The following OR2L13 variants were observed in gnomAD, a reference collection of about 807,000 sequenced individuals.
The protein encoded by OR2L13 is olfactory receptor family 2 subfamily L member 13, also known as olfactory receptor 2L13.
OR2L13 carries 14 observed loss-of-function variants against 15.3 expected under a neutral mutation model. That is an observed-to-expected ratio of 0.91 (90% CI 0.60 to 1.43). The LOEUF (loss-of-function observed/expected upper bound fraction) is 1.43. Ranked by LOEUF, OR2L13 falls within the 40% of genes most tolerant of loss-of-function variation. OR2L13 has a pLI of 0.00. For missense variants in OR2L13, 367 were observed against 387.9 expected (o/e 0.95, Z 0.45); for synonymous variants, 152 against 142.9 (o/e 1.06, Z -0.45).
At chr1:248,015,070 A>G in the OR2L13 span, among the ~76,000 whole-genome samples, 2 of 152,136 alleles carry the variant, frequency 1.3e-5, no homozygotes, top group African/African-American at 2.4e-5. Context: ...GTGGACCTCA[A>G]TGGTAGGTTG....
At chr1:248,003,088 A>T in the OR2L13 span, 4 of 962,116 alleles carry the variant, frequency 4.2e-6, no homozygotes, top group Non-Finnish European at 6.7e-6. Flanking sequence ...TTCTGTCTTA[A>T]CTTACTCGTG....
chr1:247,985,135 G>A, the OR2L13 span, among the ~76,000 whole-genome samples: 4 of 151,896 alleles, frequency 2.6e-5, no homozygotes, highest in Admixed American at 2.6e-4. Flanking sequence ...AAGTTCTAGG[G>A]TACATGTGCA....
chr1:247,965,404 A>G, the OR2L13 span: 5 of 1,611,094 alleles, frequency 3.1e-6, no homozygotes, highest in South Asian at 4.4e-5. Flanking sequence ...AAGTTTTGGG[A>G]CAGATTTTCT....
the OR2L13 span, chr1:248,041,733 T>TGAAGCCAAAAGAAGAC: frequency 5.3e-5 from 8 of 152,084 alleles, no homozygotes; most frequent in Non-Finnish European, 1.0e-4. Context: ...AGAAGACATT[T>TGAAGCCAAAAGAAGAC]ATGCAGCCAA....
At chr1:248,031,976 A>G in the OR2L13 span, among the ~76,000 whole-genome samples, 2 of 152,278 alleles carry the variant, frequency 1.3e-5, no homozygotes, top group East Asian at 3.9e-4. Flanking sequence ...ACTGCCCTAT[A>G]TAAAATACAA....
At chr1:248,010,763 G>GTTTTGTTTT in the OR2L13 span, among the ~76,000 whole-genome samples, 1 of 44,462 alleles carries the variant, frequency 2.2e-5, no homozygotes, top group African/African-American at 9.9e-5. Flanking sequence ...CTTTGTTGTT[G>GTTTTGTTTT]TTTTTTTTTT....
At chr1:248,038,713 T>C in the OR2L13 span, 1 of 1,614,050 alleles carries the variant, frequency 6.2e-7, no homozygotes, top group Non-Finnish European at 8.5e-7. Flanking sequence ...GGATCTTGGA[T>C]GATAAGCTCT....
the OR2L13 span, among the ~76,000 whole-genome samples, chr1:248,071,045 G>A: frequency 4.6e-5 from 7 of 152,200 alleles, no homozygotes; most frequent in East Asian, 1.4e-3. Context: ...TCTACCAGAG[G>A]TACAAGGAGG....
chr1:247,972,647 C>A, the OR2L13 span, among the ~76,000 whole-genome samples: 1 of 7,656 alleles, frequency 1.3e-4, no homozygotes, highest in African/African-American at 1.6e-4. Context: ...CAAAACAAAA[C>A]AAAAAAAACC....
At chr1:247,991,827 AAAGTTATC>A in the OR2L13 span, among the ~76,000 whole-genome samples, 7 of 149,690 alleles carry the variant, frequency 4.7e-5, no homozygotes, top group African/African-American at 1.7e-4. Flanking sequence ...TATTTTCATA[AAAGTTATC>A]CGCTTAGGTC....
At chr1:248,067,949 G>C in the OR2L13 span, among the ~76,000 whole-genome samples, 1 of 152,308 alleles carries the variant, frequency 6.6e-6, no homozygotes, top group Middle Eastern at 3.4e-3. Flanking sequence ...GGGGAGGGGC[G>C]CCCGCCATTG....
At chr1:248,084,803 T>C in the OR2L13 span, among the ~76,000 whole-genome samples, 4 of 152,078 alleles carry the variant, frequency 2.6e-5, no homozygotes, top group African/African-American at 9.7e-5. Flanking sequence ...AATTACTACA[T>C]CCAGCATGTG....
chr1:248,079,177 T>C, the OR2L13 span, among the ~76,000 whole-genome samples: 4 of 152,270 alleles, frequency 2.6e-5, no homozygotes, highest in Non-Finnish European at 4.4e-5. Context: ...TCTACCAAAA[T>C]GAATTTCCTG....
chr1:247,948,998 C>T, the OR2L13 span: 1 of 1,613,882 alleles, frequency 6.2e-7, no homozygotes. Context: ...TGATTCTTCT[C>T]ATCTTCTTGG....
the OR2L13 span, among the ~76,000 whole-genome samples, chr1:247,986,555 A>C: frequency 3.9e-5 from 6 of 152,130 alleles, no homozygotes; most frequent in Admixed American, 6.5e-5. Flanking sequence ...TGATGCCTCC[A>C]GCTTTGTTCT....
At chr1:247,993,342 G>GTT in the OR2L13 span, among the ~76,000 whole-genome samples, 21,845 of 134,810 alleles carry the variant, frequency 0.16, 2,175 homozygotes, top group East Asian at 0.34. Context: ...TTTCCTCGTT[G>GTT]TTTTTTTTTT....
the OR2L13 span, among the ~76,000 whole-genome samples, chr1:248,066,778 T>A: frequency 2.0e-5 from 3 of 152,226 alleles, no homozygotes; most frequent in Non-Finnish European, 4.4e-5. Flanking sequence ...CCACAAGTAG[T>A]GTGTTATTTA....
the OR2L13 span, among the ~76,000 whole-genome samples, chr1:248,053,396 A>G: frequency 2.6e-5 from 4 of 152,150 alleles, no homozygotes; most frequent in Non-Finnish European, 4.4e-5. Flanking sequence ...GCTATTGTGG[A>G]TAGTGCTGCA....
chr1:248,019,545 A>T, the OR2L13 span, among the ~76,000 whole-genome samples: 1 of 152,110 alleles, frequency 6.6e-6, no homozygotes, highest in East Asian at 1.9e-4. Context: ...TAATTTTTCT[A>T]TATGGTGTAA....
Sources: gnomAD v4.1 joint callset for allele counts (sites outside exome capture counted in the v4.1 genomes callset) on GRCh38, gnomAD v4.1.1 for gene constraint, MANE v1.5 for transcripts, NCBI Gene and HGNC (gene_info 2026-07-23, HGNC 2026-07-21) for gene names.